The following UNC80 variants were observed in gnomAD, a reference collection of about 807,000 sequenced individuals.
UNC80 encodes the protein unc-80 subunit of NALCN channel complex, also known as protein unc-80 homolog.
A neutral mutation model predicts 384.6 loss-of-function variants in UNC80; 164 were observed. The observed-to-expected ratio is 0.43, with a 90% CI of 0.38 to 0.49. The LOEUF (loss-of-function observed/expected upper bound fraction) is 0.49. Ranked by LOEUF, UNC80 falls within the 20% of genes least tolerant of loss-of-function variation. The probability of loss-of-function intolerance (pLI) is 0.00; values close to 1 mark genes in which losing one functional copy is unlikely to be tolerated. For synonymous variants in UNC80, 1,486 were observed against 1,527.8 expected, an observed-to-expected ratio of 0.97 and a Z score of 0.64; for missense variants, 3,330 against 4,143.0, an observed-to-expected ratio of 0.80 and a Z score of 5.39.
At chr2:209,772,586 CCGTTTTG>C (rs1161294208) in intron 1 of UNC80, among the ~76,000 whole-genome samples, 15 of 152,068 alleles carry the variant, frequency 9.9e-5, no homozygotes, top group Non-Finnish European at 4.4e-5. Flanking sequence ...CACTTGTTAA[CCGTTTTG>C]CTCAGATTAA....
chr2:209,827,055 T>G (rs187884127), intron 14 of UNC80, among the ~76,000 whole-genome samples: 114 of 152,256 alleles, frequency 7.5e-4, no homozygotes, highest in Non-Finnish European at 1.2e-3. Context: ...TTATTTTAGT[T>G]TATTATGTTT....
chr2:209,820,322 G>T lies in UNC80; in HGVS notation c.1974G>T (p.Lys658Asn), dbSNP rs1258092660. 1 of 1,541,196 alleles carries T rather than the reference G, an allele frequency of 6.5e-7. No homozygotes were observed. Among genetic ancestry groups the T allele is most frequent in the Non-Finnish European group, 8.8e-7 (1 of 1,142,652 alleles). ...NGMLDLSVVLKAVYLVLNHDI... is the reference protein window; with the variant it reads ...NGMLDLSVVLNAVYLVLNHDI... ...CTTGTTTTCCTCAGGTAGTTCTGAA[G>T]GCTGTTTATCTTGTCCTTAATCATG... The change falls in exon 13 of 65, where the codon AAG (lysine) becomes AAT (asparagine). Residue 658 changes from lysine to asparagine, a missense_variant. Coordinates refer to ENST00000673920, the MANE Select transcript of UNC80 (RefSeq NM_001371986.1).
intron 62 of UNC80, among the ~76,000 whole-genome samples, chr2:209,992,569 G>A (rs1019052930): frequency 2.0e-5 from 3 of 152,130 alleles, no homozygotes; most frequent in African/African-American, 4.8e-5. Context: ...CAAGCCAAAT[G>A]TTTCGATCTT....
In UNC80 at chr2:209,842,330, CTT is replaced by C; in HGVS notation, c.3358-12_3358-11del. On this transcript the variant is annotated intron_variant, in intron 20 of 64. Transcript: ENST00000673920. ...CTTTGAATCTTATCTCTCTACTTTC[CTT>C]TTTTTTTCTTTTTTCAGGTCAAATT... 6.7e-7 allele frequency: 1 copy of C among 1,488,574 alleles called. No individual in the cohort carries two copies. The highest frequency in any genetic ancestry group is 9.1e-7 in the Non-Finnish European group (1 of 1,099,666). The allele number at this position is 1,488,574 out of a possible 1,614,324, so 92.2% of individuals were successfully genotyped here.
intron 24 of UNC80, among the ~76,000 whole-genome samples, chr2:209,879,362 A>C (rs921261773): frequency 6.6e-6 from 1 of 152,172 alleles, no homozygotes; most frequent in African/African-American, 2.4e-5. Context: ...TCCTAGGCCA[A>C]AACAACTTGA....
At chr2:209,786,536 C>T (rs1457913580) in intron 5 of UNC80, among the ~76,000 whole-genome samples, 5 of 152,012 alleles carry the variant, frequency 3.3e-5, no homozygotes, top group Non-Finnish European at 7.4e-5. Context: ...GTGGCAGCTG[C>T]GATTATTATT....
intron 29 of UNC80, among the ~76,000 whole-genome samples, chr2:209,907,555 G>A (rs1559307545): frequency 2.0e-5 from 3 of 152,124 alleles, no homozygotes; most frequent in Admixed American, 6.5e-5. Flanking sequence ...ATACAGATTT[G>A]CCAACCAGCG....
intron 29 of UNC80, among the ~76,000 whole-genome samples, chr2:209,909,535 T>G (rs1435154724): frequency 6.6e-6 from 1 of 152,164 alleles, no homozygotes; most frequent in Non-Finnish European, 1.5e-5. Context: ...GACTGAAAAT[T>G]TCAAGATGGC....
intron 13 of UNC80, among the ~76,000 whole-genome samples, chr2:209,824,109 C>T (rs2080333203): frequency 6.6e-6 from 1 of 152,132 alleles, no homozygotes; most frequent in Non-Finnish European, 1.5e-5. Context: ...ATTCCCATCT[C>T]ATTATATATA....
chr2:209,852,843 A>G (rs1001969556), intron 22 of UNC80, among the ~76,000 whole-genome samples: 2 of 152,080 alleles, frequency 1.3e-5, no homozygotes, highest in Non-Finnish European at 2.9e-5. Context: ...CCAACTTCCA[A>G]TCTTTCAAGA....
In UNC80 at chr2:209,818,964, G is replaced by T. The variant is rs777464792; in HGVS notation, c.1694-29G>T. The T allele has an allele frequency of 2.6e-6, 4 of 1,546,038 alleles. No homozygotes were observed. The South Asian group carries it at 4.8e-5, about 19-fold the overall frequency. On this transcript the variant is annotated intron_variant, in intron 11 of 64. Coordinates refer to ENST00000673920, the MANE Select transcript of UNC80 (RefSeq NM_001371986.1). ...CTGGTATTGTAGGTTAATGTAGGGA[G>T]AACTAAGACATTGCTTTCATTTTAT...
chr2:209,826,551 G>C (rs1469707470), intron 14 of UNC80, among the ~76,000 whole-genome samples: 1 of 152,224 alleles, frequency 6.6e-6, no homozygotes, highest in Non-Finnish European at 1.5e-5. Context: ...TCATTTTCTG[G>C]CTGCTTTATT....
intron 30 of UNC80, among the ~76,000 whole-genome samples, chr2:209,913,385 CA>C (rs1242879253): frequency 1.3e-5 from 2 of 152,082 alleles, no homozygotes; most frequent in Admixed American, 6.6e-5. Flanking sequence ...TGCATGTTCA[CA>C]ATGGGCTTTT....
intron 26 of UNC80, 132 bp from the exon 27 acceptor site, chr2:209,894,031 A>T: frequency 2.1e-6 from 1 of 466,208 alleles, no homozygotes; most frequent in Non-Finnish European, 2.8e-6. Context: ...GGCTTGGGAG[A>T]AGCTCCTTGT....
At chr2:209,781,991 T>G (rs1430147172) in intron 4 of UNC80, among the ~76,000 whole-genome samples, 1 of 152,192 alleles carries the variant, frequency 6.6e-6, no homozygotes, top group Non-Finnish European at 1.5e-5. Context: ...CCCACTCATT[T>G]TTTCTCCTAA....
intron 59 of UNC80, among the ~76,000 whole-genome samples, chr2:209,981,955 A>T (rs373891325): frequency 4.5e-4 from 68 of 152,336 alleles, no homozygotes; most frequent in African/African-American, 1.6e-3. Flanking sequence ...TTCATGAAGG[A>T]TGTTCTAGTG....
chr2:209,926,005 C>T (rs577305527), intron 35 of UNC80, among the ~76,000 whole-genome samples: 6 of 152,280 alleles, frequency 3.9e-5, no homozygotes, highest in African/African-American at 1.4e-4. Flanking sequence ...CCTTTTCTAC[C>T]TTCCTTGCCT....
chr2:209,992,368 G>T, intron 62 of UNC80, 121 bp downstream of exon 62: 1 of 917,980 alleles, frequency 1.1e-6, no homozygotes. Flanking sequence ...CCAGCTACTG[G>T]GGAGGCTGAT....
intron 25 of UNC80, among the ~76,000 whole-genome samples, chr2:209,885,688 T>C (rs1459028948): frequency 6.6e-6 from 1 of 151,996 alleles, no homozygotes; most frequent in Admixed American, 6.6e-5. Flanking sequence ...ATTTTCTGAG[T>C]CAAAATGTAA....
Sources: allele counts gnomAD v4.1 joint callset (sites outside exome capture counted in the v4.1 genomes callset), GRCh38; gene constraint gnomAD v4.1.1; transcripts MANE v1.5; gene names NCBI Gene and HGNC (gene_info 2026-07-23, HGNC 2026-07-21).